Variants in ME2 observed in about 807,000 individuals in gnomAD.
ME2 encodes NAD-dependent malic enzyme, mitochondrial.
ME2 carries 60 observed loss-of-function variants against 73.7 expected under a neutral mutation model. The ratio of observed to expected loss-of-function variants is 0.81; its 90% CI spans 0.66 to 1.01. ME2 has a LOEUF of 1.01. Ranked by LOEUF, ME2 falls within the 50% of genes least tolerant of loss-of-function variation. The probability of loss-of-function intolerance (pLI) is 0.00; values close to 1 mark genes in which losing one functional copy is unlikely to be tolerated. For synonymous variants in ME2, 199 were observed against 236.9 expected (o/e 0.84, Z 1.47); for missense variants, 594 against 705.5 (o/e 0.84, Z 1.79).
chr18:50,929,191 T>C (rs1377094682), intron 12 of ME2, among the ~76,000 whole-genome samples: 1 of 150,898 alleles, frequency 6.6e-6, no homozygotes, highest in African/African-American at 2.4e-5. Flanking sequence ...TGTTAAACAC[T>C]GTGTAGGCCA....
intron 1 of ME2, among the ~76,000 whole-genome samples, chr18:50,880,188 C>A (rs747656546): frequency 6.6e-6 from 1 of 152,146 alleles, no homozygotes; most frequent in Non-Finnish European, 1.5e-5. Flanking sequence ...AGTTTCTACA[C>A]GGATTATCTC....
chr18:50,911,946 G>A (rs758166149), intron 3 of ME2, among the ~76,000 whole-genome samples: 1 of 152,172 alleles, frequency 6.6e-6, no homozygotes, highest in Non-Finnish European at 1.5e-5. Flanking sequence ...AGGTAAATCA[G>A]CTGAGAAATG....
rs545338336 is a variant in ME2 at position 50,911,415 on chromosome 18, G to A, written c.243-1386G>A. On this transcript the variant is annotated intron_variant, in intron 3 of 15. Transcript: ENST00000321341. ...CCACATATTGCTATTAATAGTTCCT[G>A]GAACTATAGAAGTATATGAGGTGAT... 2.6e-5 allele frequency among the ~76,000 whole-genome samples: 4 copies of A among 152,254 alleles called. No individual in the cohort carries two copies. In the South Asian group the frequency reaches 8.3e-4, roughly 32 times the overall value.
intron 1 of ME2, among the ~76,000 whole-genome samples, chr18:50,879,960 G>A (rs1052432116): frequency 5.9e-5 from 9 of 152,186 alleles, no homozygotes; most frequent in African/African-American, 2.2e-4. Flanking sequence ...GATAATTCTA[G>A]AAAATTTACG....
intron 2 of ME2, among the ~76,000 whole-genome samples, chr18:50,896,532 G>T (rs934648943): frequency 2.0e-5 from 3 of 152,100 alleles, no homozygotes; most frequent in East Asian, 3.9e-4. Context: ...TGTTTGGTTC[G>T]GTGGACAAGT....
intron 1 of ME2, among the ~76,000 whole-genome samples, chr18:50,894,316 C>T (rs1303540468): frequency 6.6e-6 from 1 of 152,188 alleles, no homozygotes; most frequent in Admixed American, 6.5e-5. Context: ...GTAATCTCAG[C>T]ACTTTGGGAG....
At chr18:50,936,373 T>G (rs956531479) in intron 13 of ME2, among the ~76,000 whole-genome samples, 2 of 152,152 alleles carry the variant, frequency 1.3e-5, no homozygotes, top group Non-Finnish European at 2.9e-5. Flanking sequence ...GGAAAGGAAA[T>G]TTTGTTCCTT....
Position 50,940,375 on chromosome 18 carries a change from A to AT in ME2, c.1578dup (p.Ala527CysfsTer3), listed in dbSNP as rs1917918197. On this transcript the variant is annotated frameshift_variant, in exon 15 of 16. Coordinates refer to ENST00000321341, the MANE Select transcript of ME2 (RefSeq NM_002396.5). LOFTEE classifies it high-confidence loss of function. ...TAATATTCAGGAAGTTTCTATTAAC[A>AT]TTGCTATTAAAGTAAGTAATAACTT... 6.3e-7 allele frequency: 1 copy of AT among 1,590,810 alleles called. No individual in the cohort carries two copies. Among genetic ancestry groups the AT allele is most frequent in the African/African-American group, 1.4e-5 (1 of 74,038 alleles).
intron 4 of ME2, among the ~76,000 whole-genome samples, chr18:50,913,541 T>A (rs1280840542): frequency 1.3e-5 from 2 of 152,024 alleles, no homozygotes; most frequent in African/African-American, 4.8e-5. Flanking sequence ...CCATGTTGGC[T>A]GGGCTGGTCT....
chr18:50,879,547 C>G (rs1032235837), intron 1 of ME2, among the ~76,000 whole-genome samples: 3 of 152,204 alleles, frequency 2.0e-5, no homozygotes, highest in African/African-American at 7.2e-5. Context: ...CGCGGCTCTA[C>G]CCGGCGCGCG....
At chr18:50,945,076 T>A (rs1224611565) in intron 15 of ME2, 1 of 152,154 alleles carries the variant, frequency 6.6e-6, no homozygotes, top group African/African-American at 2.4e-5. Context: ...CAACAAACTG[T>A]ACTAATGACA....
chr18:50,926,111 T>G (rs904007772), intron 12 of ME2, among the ~76,000 whole-genome samples: 4 of 152,156 alleles, frequency 2.6e-5, no homozygotes, highest in Non-Finnish European at 5.9e-5. Context: ...GTTTGCACTA[T>G]TGTTGTGAAT....
chr18:50,933,546 T>C (rs1917747558), intron 13 of ME2: 1 of 152,228 alleles, frequency 6.6e-6, no homozygotes, highest in Admixed American at 6.5e-5. Context: ...AATCTCTTTC[T>C]AGAACTTGAT....
intron 2 of ME2, among the ~76,000 whole-genome samples, chr18:50,903,650 T>C (rs572615396): frequency 4.6e-5 from 7 of 152,304 alleles, no homozygotes; most frequent in African/African-American, 1.7e-4. Flanking sequence ...GGTTTCACCA[T>C]GCTGCCCTAG....
intron 1 of ME2, among the ~76,000 whole-genome samples, chr18:50,888,762 T>C (rs968766563): frequency 6.6e-6 from 1 of 152,160 alleles, no homozygotes; most frequent in African/African-American, 2.4e-5. Flanking sequence ...ATCAGGGTCA[T>C]AACAATGTAT....
Position 50,947,979 on chromosome 18 carries a change from AGGAG to A in ME2, c.*800_*803del, listed in dbSNP as rs1392706844. ...ATTTTTGTTACTTCTAGATGATTCT[AGGAG>A]GGAGTATAAGATACCTAATCATATG... On this transcript the variant is annotated 3_prime_UTR_variant, in exon 16 of 16. Transcript: ENST00000321341. 1 of 152,178 alleles carries A rather than the reference AGGAG, an allele frequency of 6.6e-6. No individual in the cohort carries two copies. Among genetic ancestry groups the A allele is most frequent in the Non-Finnish European group, 1.5e-5 (1 of 68,012 alleles). 9.4% of individuals were successfully genotyped at this position (152,178 alleles called of 1,614,324 possible).
At chr18:50,880,070 A>G (rs922734017) in intron 1 of ME2, among the ~76,000 whole-genome samples, 3 of 152,198 alleles carry the variant, frequency 2.0e-5, no homozygotes, top group African/African-American at 4.8e-5. Context: ...GCTTGTGGCT[A>G]TCACCTCTAA....
chr18:50,901,872 A>T (rs1394050582), intron 2 of ME2, among the ~76,000 whole-genome samples: 1 of 152,214 alleles, frequency 6.6e-6, no homozygotes, highest in South Asian at 2.1e-4. Flanking sequence ...CCTGAACACT[A>T]TTGATATAAC....
At chr18:50,903,941 C>T (rs1916950071) in intron 2 of ME2, among the ~76,000 whole-genome samples, 1 of 152,182 alleles carries the variant, frequency 6.6e-6, no homozygotes, top group Non-Finnish European at 1.5e-5. Flanking sequence ...TCTAGCGTCT[C>T]CTCCATTATT....
Sources: gnomAD v4.1 joint callset for allele counts (sites outside exome capture counted in the v4.1 genomes callset) on GRCh38, gnomAD v4.1.1 for gene constraint, MANE v1.5 for transcripts, NCBI Gene and HGNC (gene_info 2026-07-23, HGNC 2026-07-21) for gene names.